SP140: variants seen among roughly 807,000 people sequenced by gnomAD.
SP140 encodes SP140 nuclear body protein.
In SP140, 81 loss-of-function variants were observed where a neutral mutation model predicts 125.0. The observed-to-expected ratio is 0.65, with a 90% confidence interval of 0.54 to 0.78. The LOEUF is 0.78. Ranked by LOEUF, SP140 falls within the 30% of genes least tolerant of loss-of-function variation. SP140 has a pLI of 0.00. For missense variants in SP140, 858 were observed against 1,037.0 expected (o/e 0.83, Z 2.37); for synonymous variants, 312 against 354.0 (o/e 0.88, Z 1.33).
At chr2:230,198,594 G>T (rs1340464778), upstream of SP140, among the ~76,000 whole-genome samples, 2 of 148,844 alleles carry the variant, frequency 1.3e-5, no homozygotes, top group Non-Finnish European at 3.0e-5. Context: ...TAAAATGATA[G>T]AATTTTTTTT....
intron 22 of SP140, among the ~76,000 whole-genome samples, chr2:230,307,626 C>T (rs1443334212): frequency 6.6e-6 from 1 of 152,194 alleles, no homozygotes; most frequent in East Asian, 1.9e-4. Flanking sequence ...CCTGGAGTTG[C>T]CTGCCCTTAT....
Position 230,229,421 on chromosome 2 carries a change from G to A in SP140, c.59+3518G>A, listed in dbSNP as rs374320238. ...TTTCTCTATGTAAATCTGAGTTTCT[G>A]GCCCACATCATTTTTCCCTTTGCAT... On this transcript the variant is annotated intron_variant, in intron 1 of 26. Coordinates refer to ENST00000392045, the MANE Select transcript of SP140 (RefSeq NM_007237.5). Among the ~76,000 whole-genome samples, 30 of 146,098 alleles carry A rather than the reference G, an allele frequency of 2.1e-4. No homozygotes were observed. In the South Asian group the frequency reaches 2.8e-3, roughly 14 times the overall value.
intron 1 of SP140, among the ~76,000 whole-genome samples, chr2:230,229,352 A>AC (rs1177243049): frequency 2.6e-5 from 4 of 151,776 alleles, no homozygotes; most frequent in Admixed American, 2.6e-4. Context: ...AAAAATGAAA[A>AC]CATTTTATTA....
upstream of SP140, among the ~76,000 whole-genome samples, chr2:230,224,050 A>T (rs143349484): frequency 3.9e-5 from 6 of 152,318 alleles, no homozygotes; most frequent in Admixed American, 2.6e-4. Flanking sequence ...TGTAGTGAGC[A>T]TAGGGAAAAA....
rs1232095869 is a variant in SP140 at position 230,215,256 on chromosome 2, CT to C, written c.-91+1183del. The stretch of plus-strand genomic sequence containing the variant: ...TCAACATAAAATATATAGTCACATT[CT>C]CTAAGGTAGAGCGGTCACAGTTTTA... On this transcript the variant is annotated intron_variant, in intron 3 of 4. Transcript: ENST00000456542. 3 of 718,734 alleles carry C rather than the reference CT, an allele frequency of 4.2e-6. No individual in the cohort carries two copies. The Admixed American group carries it at 8.1e-5, about 19-fold the overall frequency. The allele number at this position is 718,734 out of a possible 1,614,324, so 44.5% of individuals were successfully genotyped here.
Position 230,308,791 on chromosome 2 carries a change from C to T in SP140, c.2059-1133C>T, listed in dbSNP as rs184232409. Among the ~76,000 whole-genome samples the T allele has an allele frequency of 7.2e-4, 109 of 152,310 alleles. 1 individual carries two copies. The highest frequency in any genetic ancestry group is 7.7e-4 in the African/African-American group (32 of 41,564). ...GAAACCTTACCTGCAGCAGCAGAGC[C>T]GGCGGAGGACTTGTAGATAGACCAT... On this transcript the variant is annotated intron_variant, in intron 22 of 26. Transcript: ENST00000392045.
At chr2:230,293,631 C>T (rs763051245) in intron 20 of SP140, among the ~76,000 whole-genome samples, 2 of 152,064 alleles carry the variant, frequency 1.3e-5, no homozygotes, top group African/African-American at 2.4e-5. Context: ...CCACCCCGCC[C>T]CGCCATAAAA....
intron 12 of SP140, among the ~76,000 whole-genome samples, chr2:230,268,395 G>A (rs2053442848): frequency 6.6e-6 from 1 of 151,862 alleles, no homozygotes; most frequent in Non-Finnish European, 1.5e-5. Flanking sequence ...GTGGTGGCAG[G>A]CACCTGTAAT....
the SP140 span, among the ~76,000 whole-genome samples, chr2:230,192,695 G>A: frequency 2.6e-5 from 4 of 152,116 alleles, no homozygotes; most frequent in Non-Finnish European, 5.9e-5. Flanking sequence ...CTTGGAAATG[G>A]CCATACTGCC....
At chr2:230,281,381 T>C (rs895721016) in intron 15 of SP140, among the ~76,000 whole-genome samples, 3 of 152,232 alleles carry the variant, frequency 2.0e-5, no homozygotes, top group African/African-American at 7.2e-5. Flanking sequence ...TGTATATCAT[T>C]AAGTAGAGTT....
intron 7 of SP140, among the ~76,000 whole-genome samples, chr2:230,246,968 G>T (rs2049541703): frequency 6.6e-6 from 1 of 152,124 alleles, no homozygotes; most frequent in Non-Finnish European, 1.5e-5. Flanking sequence ...ACATTGTAGG[G>T]ATGGAGGGAA....
At chr2:230,282,809 G>C (rs62191201) in intron 15 of SP140, among the ~76,000 whole-genome samples, 13,619 of 152,290 alleles carry the variant, frequency 0.089, 822 homozygotes, top group East Asian at 0.12. Flanking sequence ...GTATACAATT[G>C]TTGGGCTTCC....
At chr2:230,293,815 T>C (rs553766390) in intron 20 of SP140, among the ~76,000 whole-genome samples, 6 of 152,200 alleles carry the variant, frequency 3.9e-5, no homozygotes, top group Non-Finnish European at 7.3e-5. Context: ...TTCACTGTTT[T>C]ATATTTATTA....
chr2:230,250,958 A>G, intron 9 of SP140, 23 bp from the exon 10 acceptor site: 1 of 1,612,070 alleles, frequency 6.2e-7, no homozygotes, highest in South Asian at 1.1e-5. Context: ...TAATTTCTTG[A>G]GGGATTTCTT....
chr2:230,305,712 G>A (rs990736375), intron 22 of SP140, among the ~76,000 whole-genome samples: 8 of 152,356 alleles, frequency 5.3e-5, no homozygotes, highest in South Asian at 4.1e-4. Context: ...TTCAGGGGCC[G>A]GGGTGGGAAG....
intron 3 of SP140, among the ~76,000 whole-genome samples, chr2:230,218,776 G>A (rs113068032): frequency 1.3e-5 from 2 of 152,330 alleles, no homozygotes; most frequent in African/African-American, 4.8e-5. Flanking sequence ...TGACTGTTCA[G>A]ATTTTTATTA....
chr2:230,299,358 C>G (rs1169092797), intron 22 of SP140, among the ~76,000 whole-genome samples: 1 of 152,182 alleles, frequency 6.6e-6, no homozygotes, highest in East Asian at 1.9e-4. Flanking sequence ...TTCACCTAAC[C>G]TAGAGCTGAA....
the SP140 span, among the ~76,000 whole-genome samples, chr2:230,191,827 C>CA: frequency 9.2e-4 from 139 of 150,652 alleles, no homozygotes; most frequent in Middle Eastern, 3.4e-3. Context: ...AGAGACACAA[C>CA]AAAAAAAAAG....
intron 7 of SP140, among the ~76,000 whole-genome samples, chr2:230,247,367 A>C (rs1317115926): frequency 6.6e-6 from 1 of 152,092 alleles, no homozygotes; most frequent in African/African-American, 2.4e-5. Flanking sequence ...TTGAAGCAGA[A>C]ACCTAGGAGC....
Sources: gnomAD v4.1 joint callset for allele counts (sites outside exome capture counted in the v4.1 genomes callset) on GRCh38, gnomAD v4.1.1 for gene constraint, MANE v1.5 for transcripts, NCBI Gene and HGNC (gene_info 2026-07-23, HGNC 2026-07-21) for gene names.